Variants in PRMT8 observed in about 807,000 individuals in gnomAD.
PRMT8 encodes the protein protein arginine N-methyltransferase 8.
Under a neutral mutation model 47.1 loss-of-function variants are expected in PRMT8, and 7 were observed. That is an observed-to-expected ratio of 0.15 (90% CI 0.08 to 0.28). PRMT8 has a LOEUF of 0.28. Ranked by LOEUF, PRMT8 falls within the 10% of genes least tolerant of loss-of-function variation. The pLI, the probability that PRMT8 is intolerant of heterozygous loss-of-function variation, is 1.00. For synonymous variants in PRMT8, 188 were observed against 186.5 expected, an observed-to-expected ratio of 1.01 and a Z score of -0.07; for missense variants, 237 against 505.4, an observed-to-expected ratio of 0.47 and a Z score of 5.09.
chr12:3,551,476 T>G (rs1347366338), intron 3 of PRMT8: 2 of 152,324 alleles, frequency 1.3e-5, no homozygotes, highest in Non-Finnish European at 2.9e-5. Context: ...CCACGTGCTT[T>G]CTTTCCCAGC....
intron 1 of PRMT8, among the ~76,000 whole-genome samples, chr12:3,391,594 A>C (rs1864193677): frequency 6.6e-6 from 1 of 152,212 alleles, no homozygotes; most frequent in African/African-American, 2.4e-5. Flanking sequence ...ACTTGGCTTT[A>C]AATCTGAGTG....
chr12:3,421,316 C>T (rs995765052), intron 1 of PRMT8, among the ~76,000 whole-genome samples: 3 of 152,186 alleles, frequency 2.0e-5, no homozygotes, highest in Admixed American at 6.5e-5. Flanking sequence ...GCTCCAGCCT[C>T]GGCTTCCTCT....
Position 3,491,665 on chromosome 12 carries a change from A to C in PRMT8, c.40A>C (p.Arg14=). The C allele has an allele frequency of 1.9e-6, 3 of 1,611,290 alleles. No homozygotes were observed. Among genetic ancestry groups the C allele is most frequent in the Non-Finnish European group, 2.5e-6 (3 of 1,179,406 alleles). The change falls in exon 1 of 10, where the codon AGG becomes CGG. Residue 14 remains arginine (R), a synonymous_variant. Coordinates refer to ENST00000382622, the MANE Select transcript of PRMT8 (RefSeq NM_019854.5). ...KHSSRCLLLR[R]KMAENAAEST... The stretch of plus-strand genomic sequence containing the variant: ...CTCCTCCCGCTGCCTGCTCCTGAGG[A>C]GGAAAATGGCGGAGAACGCGGCCGA...
rs1251141460 is a variant in PRMT8, at chr12:3,538,441, G to C, written c.76-2165G>C. ...GGAATTAAAAGCAACACCCCATGTC[G>C]CTGAATGTTCAGGGATCACAGGCCA... On this transcript the variant is annotated intron_variant, in intron 1 of 9. Coordinates refer to ENST00000382622, the MANE Select transcript of PRMT8 (RefSeq NM_019854.5). The surrounding 1 kb of genome is among the most constrained non-coding windows in gnomAD (Gnocchi z 4.6). The C allele has an allele frequency of 2.9e-6, 1 of 350,382 alleles. No homozygotes were observed. The highest frequency in any genetic ancestry group is 7.4e-5 in the East Asian group (1 of 13,452). The allele number at this position is 350,382 out of a possible 1,614,324, so 21.7% of individuals were successfully genotyped here. A position where few individuals can be genotyped will look rare whatever the true frequency, so the allele number is the denominator to read the frequency against.
intron 1 of PRMT8, among the ~76,000 whole-genome samples, chr12:3,524,497 T>C (rs1247034431): frequency 6.6e-6 from 1 of 151,400 alleles, no homozygotes; most frequent in African/African-American, 2.4e-5. Flanking sequence ...CTAAGATGAG[T>C]TTACTAGCCT....
chr12:3,444,981 G>C (rs1264678023), intron 1 of PRMT8, among the ~76,000 whole-genome samples: 2 of 152,260 alleles, frequency 1.3e-5, no homozygotes, highest in African/African-American at 2.4e-5. Context: ...GGAAGGTTAG[G>C]GGTGATGGGG....
chr12:3,390,200 G>A (rs769848102), intron 1 of PRMT8, among the ~76,000 whole-genome samples: 1 of 152,374 alleles, frequency 6.6e-6, no homozygotes, highest in Non-Finnish European at 1.5e-5. Context: ...ACTGCATAAT[G>A]GGCTCTTAGT....
chr12:3,392,310 G>A (rs866056664), intron 1 of PRMT8, among the ~76,000 whole-genome samples: 7 of 151,100 alleles, frequency 4.6e-5, no homozygotes, highest in Admixed American at 3.3e-4. Flanking sequence ...TGCTGCACCC[G>A]CTAACTCATC....
rs2137229718 is a variant in PRMT8, at chr12:3,583,718, T to A, written c.979+510T>A. ...TCCCCCAAGATCACCCCACTGCTAC[T>A]CCCACTCCCAAATCCCAGCCCCGCT... On this transcript the variant is annotated intron_variant, in intron 8 of 9. Coordinates refer to ENST00000382622, the MANE Select transcript of PRMT8 (RefSeq NM_019854.5). The surrounding 1 kb of genome is among the most constrained non-coding windows in gnomAD (Gnocchi z 4.7). 6.6e-6 allele frequency among the ~76,000 whole-genome samples: 1 copy of A among 152,272 alleles called. No individual in the cohort carries two copies. The highest frequency in any genetic ancestry group is 2.4e-5 in the African/African-American group (1 of 41,556).
In PRMT8 at chr12:3,491,741, G is replaced by T. The variant is rs765116603; in HGVS notation, c.75+41G>T. On this transcript the variant is annotated intron_variant, in intron 1 of 9. Coordinates refer to ENST00000382622, the MANE Select transcript of PRMT8 (RefSeq NM_019854.5). ...AGCAGGGGCTCTCGGAGACCCCGCCGCCCACCCGGACCACCGCGCCGCCGC... is the reference window on the plus strand; with the variant it reads ...AGCAGGGGCTCTCGGAGACCCCGCCTCCCACCCGGACCACCGCGCCGCCGC... 6 of 1,574,546 alleles carry T rather than the reference G, an allele frequency of 3.8e-6. No homozygotes were observed. The African/African-American group carries it at 8.1e-5, about 21-fold the overall frequency.
At chr12:3,385,582 T>TG (rs141126306) in intron 1 of PRMT8, among the ~76,000 whole-genome samples, 2 of 21,154 alleles carry the variant, frequency 9.5e-5, no homozygotes, top group African/African-American at 1.3e-4. Context: ...AGATCAACAC[T>TG]TTATTAGGCT....
At chr12:3,489,251 A>G (rs1384963154), upstream of PRMT8, among the ~76,000 whole-genome samples, 1 of 152,130 alleles carries the variant, frequency 6.6e-6, no homozygotes, top group Non-Finnish European at 1.5e-5. Context: ...AGGTTCTCAT[A>G]GCAACATAAT....
rs1468299415 is a variant in PRMT8, at chr12:3,572,027, C to T, written c.712+2463C>T. Among the ~76,000 whole-genome samples, 1 of 152,116 alleles carries T rather than the reference C, an allele frequency of 6.6e-6. No individual in the cohort carries two copies. The highest frequency in any genetic ancestry group is 1.5e-5 in the Non-Finnish European group (1 of 68,014). On this transcript the variant is annotated intron_variant, in intron 6 of 9. Coordinates refer to ENST00000382622, the MANE Select transcript of PRMT8 (RefSeq NM_019854.5). This position sits in a 1 kb window ranked among gnomAD's most constrained non-coding sequence, Gnocchi z 5.9. ...GTTGTTAGAGGGAGAGCTTTCTTTCCTTTCCTCTCCTTTCCTTTTCTTTTA... is the reference window on the plus strand; with the variant it reads ...GTTGTTAGAGGGAGAGCTTTCTTTCTTTTCCTCTCCTTTCCTTTTCTTTTA...
chr12:3,397,754 C>G (rs1028104772), intron 1 of PRMT8, among the ~76,000 whole-genome samples: 6 of 152,060 alleles, frequency 3.9e-5, no homozygotes, highest in Admixed American at 2.0e-4. Context: ...TCGTGCTTCC[C>G]GGCTGCTTTG....
chr12:3,540,442 C>T (rs993280061), intron 1 of PRMT8, among the ~76,000 whole-genome samples, 164 bp from the exon 2 acceptor site: 3 of 152,142 alleles, frequency 2.0e-5, no homozygotes, highest in African/African-American at 7.2e-5. Flanking sequence ...GCCATGAGCC[C>T]AACTGCTGGG....
chr12:3,553,501 T>C, intron 3 of PRMT8, 150 bp from the exon 4 acceptor site: 4 of 683,510 alleles, frequency 5.9e-6, no homozygotes. Context: ...GGGGCTGGGT[T>C]TCGGTTTTCA....
intron 1 of PRMT8, among the ~76,000 whole-genome samples, chr12:3,475,234 T>C (rs901246872): frequency 4.6e-5 from 7 of 151,952 alleles, no homozygotes; most frequent in African/African-American, 1.7e-4. Flanking sequence ...GTGGCAGTCA[T>C]GAAGGAGAGG....
chr12:3,497,239 C>T (rs1865524477), intron 1 of PRMT8, among the ~76,000 whole-genome samples: 1 of 152,150 alleles, frequency 6.6e-6, no homozygotes, highest in Admixed American at 6.5e-5. Flanking sequence ...TGTGAACTGG[C>T]TTAGTAACAA....
At chr12:3,534,927 T>C (rs1866091962) in intron 1 of PRMT8, among the ~76,000 whole-genome samples, 1 of 152,276 alleles carries the variant, frequency 6.6e-6, no homozygotes, top group African/African-American at 2.4e-5. Context: ...TTGTGAGCTT[T>C]AGTTTCCTCA....
Sources: allele counts gnomAD v4.1 joint callset (sites outside exome capture counted in the v4.1 genomes callset), GRCh38; gene constraint gnomAD v4.1.1; non-coding constraint Gnocchi (gnomAD v3.1); transcripts MANE v1.5; gene names NCBI Gene and HGNC (gene_info 2026-07-23, HGNC 2026-07-21).